OSBPL1A: variants seen among roughly 807,000 people sequenced by gnomAD.
The protein encoded by OSBPL1A is oxysterol binding protein like 1A.
OSBPL1A carries 80 observed loss-of-function variants against 137.1 expected under a neutral mutation model. The ratio of observed to expected loss-of-function variants is 0.58; its 90% CI spans 0.49 to 0.70. The LOEUF is 0.70. OSBPL1A is among the 30% of genes least tolerant of loss of function. OSBPL1A has a pLI of 0.00. For synonymous variants in OSBPL1A, 365 were observed against 389.7 expected (o/e 0.94, Z 0.75); for missense variants, 970 against 1,129.4 (o/e 0.86, Z 2.02).
rs151026933 is a variant in OSBPL1A at position 24,225,127 on chromosome 18, G to C, written c.1516C>G (p.His506Asp). 1.9e-6 allele frequency: 3 copies of C among 1,614,106 alleles called. No homozygotes were observed. The highest frequency in any genetic ancestry group is 1.1e-5 in the South Asian group (1 of 91,076). The change falls in exon 17 of 28, where the codon CAT becomes GAT. Residue 506 changes from histidine (H) to aspartate (D), a missense_variant. Physicochemically the swap from His to Asp is moderately conservative, Grantham distance 81 (BLOSUM62 -1). Around this residue, in one of 2 missense-constraint regions of OSBPL1A, gnomAD observed 647 missense variants for 672.6 expected, o/e 0.96. Transcript: ENST00000319481. ...ATTCTGTGTTTTCTACTGCCCAAATGCTCTCCTTCCTCTTCAAAGGAGCGT... is the reference window on the plus strand; with the variant it reads ...ATTCTGTGTTTTCTACTGCCCAAATCCTCTCCTTCCTCTTCAAAGGAGCGT... ...TARSFEEEGE[H>D]LGSRKHRMSE...
At chr18:24,163,377 T>A in intron 27 of OSBPL1A, 96 bp from the exon 28 acceptor site, 1 of 848,726 alleles carries the variant, frequency 1.2e-6, no homozygotes, top group Non-Finnish European at 1.9e-6. Flanking sequence ...TTGCAGCAAC[T>A]CATTCTGTGA....
At chr18:24,169,659 T>C (rs541009814) in intron 24 of OSBPL1A, among the ~76,000 whole-genome samples, 1 of 152,218 alleles carries the variant, frequency 6.6e-6, no homozygotes, top group South Asian at 2.1e-4. Flanking sequence ...TCGGAACCAT[T>C]GTCTTGGTTA....
intron 17 of OSBPL1A, among the ~76,000 whole-genome samples, chr18:24,213,029 T>A (rs146220553): frequency 6.6e-6 from 1 of 152,194 alleles, no homozygotes; most frequent in Non-Finnish European, 1.5e-5. Flanking sequence ...TCTCTGTATA[T>A]CCAGAATGCC....
At chr18:24,335,056 A>T (rs1429768647) in intron 5 of OSBPL1A, among the ~76,000 whole-genome samples, 1 of 152,052 alleles carries the variant, frequency 6.6e-6, no homozygotes, top group African/African-American at 2.4e-5. Flanking sequence ...CACCTGGTGA[A>T]TATTTTTATT....
intron 1 of OSBPL1A, among the ~76,000 whole-genome samples, chr18:24,381,896 G>C (rs545906431): frequency 6.6e-6 from 1 of 151,804 alleles, no homozygotes; most frequent in Non-Finnish European, 1.5e-5. Flanking sequence ...GGGAGGCAGA[G>C]GTTGCAGTGA....
Position 24,345,966 on chromosome 18 carries a change from A to G in OSBPL1A, c.283-4308T>C, listed in dbSNP as rs142820210. ...TTTGAATACTTTTTCCTGAATAAAG[A>G]TGTTTTACTGAAAATATTCCTGGCT... On this transcript the variant is annotated intron_variant, in intron 4 of 27. Transcript: ENST00000319481. Among the ~76,000 whole-genome samples, 214 of 152,326 alleles carry G rather than the reference A, an allele frequency of 1.4e-3. 1 individual carries two copies. Among genetic ancestry groups the G allele is most frequent in the Middle Eastern group, 0.01 (3 of 294 alleles).
At chr18:24,196,324 C>A (rs753429315) in intron 17 of OSBPL1A, 124 bp from the exon 18 acceptor site, 30 of 678,860 alleles carry the variant, frequency 4.4e-5, no homozygotes, top group Non-Finnish European at 6.6e-5. Context: ...TGTGTCATCA[C>A]AGACAGGGCT....
intron 17 of OSBPL1A, among the ~76,000 whole-genome samples, chr18:24,214,231 G>A (rs1449916694): frequency 6.6e-6 from 1 of 152,172 alleles, no homozygotes; most frequent in East Asian, 1.9e-4. Flanking sequence ...AGTAGATCAC[G>A]GTCGTTAGGA....
At chr18:24,294,014 T>G (rs1301728508) in intron 14 of OSBPL1A, among the ~76,000 whole-genome samples, 1 of 152,166 alleles carries the variant, frequency 6.6e-6, no homozygotes, top group Non-Finnish European at 1.5e-5. Flanking sequence ...GGAAACAGTT[T>G]TAAGTAGGCT....
At chr18:24,234,245 G>A (rs1037737100) in intron 16 of OSBPL1A, among the ~76,000 whole-genome samples, 8 of 151,946 alleles carry the variant, frequency 5.3e-5, no homozygotes, top group East Asian at 1.9e-4. Context: ...GTTTCAATGC[G>A]CATGAATGTC....
At chr18:24,330,553 C>T (rs1391685786) in intron 7 of OSBPL1A, among the ~76,000 whole-genome samples, 2 of 150,598 alleles carry the variant, frequency 1.3e-5, no homozygotes, top group Non-Finnish European at 2.9e-5. Context: ...GGCACAATCT[C>T]GGCTCACTGC....
chr18:24,165,025 G>A (rs763402629), intron 27 of OSBPL1A, 40 bp downstream of exon 27: 1 of 1,601,578 alleles, frequency 6.2e-7, no homozygotes, highest in Admixed American at 1.7e-5. Context: ...ACAGCAGCCT[G>A]CCTGAGGGCT....
Position 24,312,036 on chromosome 18 carries a change from T to A in OSBPL1A, c.1040A>T (p.Asp347Val), listed in dbSNP as rs1470185556. 4 of 1,613,988 alleles carry A rather than the reference T, an allele frequency of 2.5e-6. No individual in the cohort carries two copies. In the African/African-American group the frequency reaches 4.0e-5, roughly 16 times the overall value. ...THYCSQDQLT[D>V]EEEEDTVSAA... ...AGAAACCGTATCTTCCTCCTCCTCA[T>A]CAGTCAGCTGGTCCTGGGAACAGTA... is the stretch of plus-strand genomic sequence containing the variant. Residue 347 changes from aspartate to valine, a missense_variant, in exon 13 of 28, where the codon GAT becomes GTT. Around this residue, in one of 2 missense-constraint regions of OSBPL1A, gnomAD observed 647 missense variants for 672.6 expected, o/e 0.96. Coordinates refer to ENST00000319481, the MANE Select transcript of OSBPL1A (RefSeq NM_080597.4).
At chr18:24,250,173 TGTTTG>T (rs1413308130) in intron 15 of OSBPL1A, among the ~76,000 whole-genome samples, 112 of 52,794 alleles carry the variant, frequency 2.1e-3, no homozygotes, top group Middle Eastern at 6.8e-3. Context: ...TTTGTTTGTT[TGTTTG>T]TTTGTTTGTT....
chr18:24,390,966 G>A (rs989218870), intron 1 of OSBPL1A, among the ~76,000 whole-genome samples: 5 of 152,064 alleles, frequency 3.3e-5, no homozygotes, highest in East Asian at 2.0e-4. Context: ...CTGGTGTGGC[G>A]GTGCGTGCCT....
Position 24,377,397 on chromosome 18 carries a change from TCC to T in OSBPL1A, c.121+14_121+15del. 1 of 1,597,568 alleles carries T rather than the reference TCC, an allele frequency of 6.3e-7. No individual in the cohort carries two copies. ...AGACTCATAAGAGAAAGCTACAAAA[TCC>T]ATTCAAAGTTTACCTTTGCAATTAA... On this transcript the variant is annotated intron_variant, in intron 2 of 27. Coordinates refer to ENST00000319481, the MANE Select transcript of OSBPL1A (RefSeq NM_080597.4).
intron 17 of OSBPL1A, among the ~76,000 whole-genome samples, chr18:24,196,467 T>G (rs373623674): frequency 6.6e-6 from 1 of 152,166 alleles, no homozygotes; most frequent in East Asian, 1.9e-4. Flanking sequence ...GTCCTTGGGA[T>G]CCAGCTGTTT....
At chr18:24,326,975 A>C (rs2090992161) in intron 7 of OSBPL1A, among the ~76,000 whole-genome samples, 1 of 152,174 alleles carries the variant, frequency 6.6e-6, no homozygotes, top group Non-Finnish European at 1.5e-5. Flanking sequence ...ATGTTCTAAA[A>C]TAGGCCTGAA....
chr18:24,333,164 C>A, intron 6 of OSBPL1A, 78 bp from the exon 7 acceptor site: 1 of 1,493,006 alleles, frequency 6.7e-7, no homozygotes, highest in South Asian at 1.2e-5. Flanking sequence ...GAGGGTGTAT[C>A]AGCAGAGCCC....
Sources: gnomAD v4.1 joint callset for allele counts (sites outside exome capture counted in the v4.1 genomes callset) on GRCh38, gnomAD v4.1.1 for gene constraint, gnomAD v4.1.1 regional missense constraint, MANE v1.5 for transcripts, NCBI Gene and HGNC (gene_info 2026-07-23, HGNC 2026-07-21) for gene names.